The following GLRB variants were observed in gnomAD, a reference collection of about 807,000 sequenced individuals.
The protein encoded by GLRB is glycine receptor beta.
GLRB carries 33 observed loss-of-function variants against 54.2 expected under a neutral mutation model. The observed-to-expected ratio is 0.61, with a 90% CI of 0.46 to 0.81. The LOEUF (loss-of-function observed/expected upper bound fraction) is 0.81, where lower values mean the gene tolerates loss of function less well. Ranked by LOEUF, GLRB falls within the 40% of genes least tolerant of loss-of-function variation. GLRB has a pLI of 0.00. For missense variants in GLRB, 572 were observed against 584.6 expected, an observed-to-expected ratio of 0.98 and a Z score of 0.22; for synonymous variants, 209 against 208.2, an observed-to-expected ratio of 1.00 and a Z score of -0.03.
At chr4:157,082,788 T>G (rs1424820827) in intron 2 of GLRB, among the ~76,000 whole-genome samples, 1 of 152,042 alleles carries the variant, frequency 6.6e-6, no homozygotes, top group African/African-American at 2.4e-5. Context: ...GAGACAGAAT[T>G]AGGATCCGAT....
intron 2 of GLRB, among the ~76,000 whole-genome samples, chr4:157,083,800 G>A (rs1223666516): frequency 2.6e-5 from 4 of 152,012 alleles, no homozygotes; most frequent in Admixed American, 2.0e-4. Flanking sequence ...TATTTTTAAG[G>A]TTTGAAATTT....
chr4:157,082,402 A>G (rs752282126), intron 2 of GLRB, among the ~76,000 whole-genome samples: 3 of 152,178 alleles, frequency 2.0e-5, no homozygotes, highest in Non-Finnish European at 4.4e-5. Flanking sequence ...CAGTGTCTTC[A>G]TTACCTTAAT....
At chr4:157,168,741 T>TTTC (rs1737811366) in intron 9 of GLRB, among the ~76,000 whole-genome samples, 1 of 152,168 alleles carries the variant, frequency 6.6e-6, no homozygotes, top group African/African-American at 2.4e-5. Flanking sequence ...TTTTTAAAAG[T>TTTC]TTCTTACCCA....
At chr4:157,079,896 C>T (rs114737886) in intron 2 of GLRB, among the ~76,000 whole-genome samples, 1,806 of 152,144 alleles carry the variant, frequency 0.012, 22 homozygotes, top group Non-Finnish European at 0.015. Flanking sequence ...ATATAGTCAC[C>T]GTAATTCTAT....
At position 157,152,609 on chromosome 4, in the gene GLRB, T is replaced by C. The variant is rs556367210; in HGVS notation, c.905-109T>C. 77 of 855,844 alleles carry C rather than the reference T, an allele frequency of 9.0e-5. No individual in the cohort carries two copies. The African/African-American group carries it at 1.2e-3, about 13-fold the overall frequency. The allele number at this position is 855,844 out of a possible 1,614,324, so 53.0% of individuals were successfully genotyped here. On this transcript the variant is annotated intron_variant, in intron 8 of 9. Transcript: ENST00000264428. ...AGCTTTAAGGGGACCTGACAAATTG[T>C]TCATGGGTCATTGGAAGTTACTGGA...
chr4:157,101,147 A>G (rs928449823), intron 2 of GLRB, among the ~76,000 whole-genome samples: 2 of 152,160 alleles, frequency 1.3e-5, no homozygotes, highest in Non-Finnish European at 2.9e-5. Flanking sequence ...GCAGTGTTAG[A>G]AAAATGCAGA....
At chr4:157,109,397 T>C (rs1735337691) in intron 2 of GLRB, among the ~76,000 whole-genome samples, 1 of 151,868 alleles carries the variant, frequency 6.6e-6, no homozygotes, top group Non-Finnish European at 1.5e-5. Context: ...CTTCTGTAAT[T>C]CCCATAATGC....
chr4:157,099,081 C>T (rs369312792), intron 2 of GLRB, among the ~76,000 whole-genome samples: 2 of 152,138 alleles, frequency 1.3e-5, no homozygotes, highest in Admixed American at 6.5e-5. Flanking sequence ...CTCAGCTACT[C>T]GTTTATGAGA....
At chr4:157,108,896 C>T (rs968470051) in intron 2 of GLRB, among the ~76,000 whole-genome samples, 2 of 152,100 alleles carry the variant, frequency 1.3e-5, no homozygotes, top group African/African-American at 2.4e-5. Context: ...CCACCCCAGC[C>T]TTCAGCAAGC....
chr4:157,162,445 T>C (rs1737536102), intron 9 of GLRB, among the ~76,000 whole-genome samples: 1 of 152,236 alleles, frequency 6.6e-6, no homozygotes, highest in Admixed American at 6.5e-5. Flanking sequence ...GCTTTTCTAC[T>C]CTGGTTTCTC....
chr4:157,156,730 A>G (rs758209690), intron 9 of GLRB, among the ~76,000 whole-genome samples: 1 of 152,050 alleles, frequency 6.6e-6, no homozygotes, highest in Non-Finnish European at 1.5e-5. Context: ...AATAATTTTT[A>G]TCATGAATGT....
rs1370605958 is a variant in GLRB at position 157,076,246 on chromosome 4, G to T, written c.-81G>T. 6.6e-6 allele frequency: 1 copy of T among 151,306 alleles called. No individual in the cohort carries two copies. Among genetic ancestry groups the T allele is most frequent in the African/African-American group, 2.4e-5 (1 of 41,358 alleles). The allele number at this position is 151,306 out of a possible 1,614,324, so 9.4% of individuals were successfully genotyped here. ...ACCCTTAGCAGCCACTGCCACCTGGGCCCGGAGCCTCCACGATCTCGCCCG... is the reference window on the plus strand; with the variant it reads ...ACCCTTAGCAGCCACTGCCACCTGGTCCCGGAGCCTCCACGATCTCGCCCG... On this transcript the variant is annotated 5_prime_UTR_variant, in exon 1 of 10. Coordinates refer to ENST00000264428, the MANE Select transcript of GLRB (RefSeq NM_000824.5).
chr4:157,116,077 A>C (rs1392357531), intron 2 of GLRB, among the ~76,000 whole-genome samples: 2 of 151,870 alleles, frequency 1.3e-5, no homozygotes, highest in Non-Finnish European at 2.9e-5. Context: ...TTCTACAGTT[A>C]ATAGAAAACT....
intron 2 of GLRB, among the ~76,000 whole-genome samples, chr4:157,086,563 C>A (rs1734419873): frequency 6.6e-6 from 1 of 152,242 alleles, no homozygotes; most frequent in South Asian, 2.1e-4. Flanking sequence ...TCGATTAATT[C>A]TATTGTGCAT....
Position 157,160,432 on chromosome 4 carries a change from C to G in GLRB, c.1197+7422C>G, listed in dbSNP as rs1737434491. ...TCTTTTAACTGTGATGTTAGGGTGT[C>G]AATTTTAGGTCTTCCTGCTTTATCT... On this transcript the variant is annotated intron_variant, in intron 9 of 9. Coordinates refer to ENST00000264428, the MANE Select transcript of GLRB (RefSeq NM_000824.5). Among the ~76,000 whole-genome samples the G allele has an allele frequency of 3.3e-5, 5 of 151,974 alleles. No individual in the cohort carries two copies. The South Asian group carries it at 1.0e-3, about 32-fold the overall frequency.
intron 9 of GLRB, among the ~76,000 whole-genome samples, chr4:157,156,829 GT>G (rs1405211379): frequency 6.6e-6 from 1 of 152,082 alleles, no homozygotes; most frequent in African/African-American, 2.4e-5. Context: ...ATCTTTCCCA[GT>G]TTTTTGTATG....
At chr4:157,162,643 G>A (rs935592671) in intron 9 of GLRB, among the ~76,000 whole-genome samples, 1 of 152,154 alleles carries the variant, frequency 6.6e-6, no homozygotes, top group African/African-American at 2.4e-5. Flanking sequence ...GGAGGCTGCA[G>A]AGCAGCAAAT....
At chr4:157,129,959 G>A (rs1042947763) in intron 4 of GLRB, among the ~76,000 whole-genome samples, 6 of 151,526 alleles carry the variant, frequency 4.0e-5, no homozygotes, top group Non-Finnish European at 5.9e-5. Flanking sequence ...AAGCAAAAAA[G>A]CATATTAAGC....
rs545706474 is a variant in GLRB, at chr4:157,170,805, A to C, written c.*77A>C. 1 of 831,134 alleles carries C rather than the reference A, an allele frequency of 1.2e-6. No individual in the cohort carries two copies. The highest frequency in any genetic ancestry group is 2.0e-5 in the South Asian group (1 of 50,128). The allele number at this position is 831,134 out of a possible 1,614,324, so 51.5% of individuals were successfully genotyped here. A position where few individuals can be genotyped will look rare whatever the true frequency, so the allele number is the denominator to read the frequency against. ...CCTTTCATAAATGCCAATCTGTGAGAACTTTTGAATTTTCATAGCAACATT... is the reference window on the plus strand; with the variant it reads ...CCTTTCATAAATGCCAATCTGTGAGCACTTTTGAATTTTCATAGCAACATT... On this transcript the variant is annotated 3_prime_UTR_variant, in exon 10 of 10. Transcript: ENST00000264428.
Sources: allele counts gnomAD v4.1 joint callset (sites outside exome capture counted in the v4.1 genomes callset), GRCh38; gene constraint gnomAD v4.1.1; transcripts MANE v1.5; gene names NCBI Gene and HGNC (gene_info 2026-07-23, HGNC 2026-07-21).